PPP1R42: variants seen among roughly 807,000 people sequenced by gnomAD.
PPP1R42 encodes protein phosphatase 1 regulatory subunit 42, also known as leucine rich repeat containing 67.
In PPP1R42, 34 loss-of-function variants were observed where a neutral mutation model predicts 31.0. The ratio of observed to expected loss-of-function variants is 1.10; its 90% confidence interval spans 0.83 to 1.46. The LOEUF is 1.46. Ranked by LOEUF, PPP1R42 falls within the 40% of genes most tolerant of loss-of-function variation. The pLI, the probability that PPP1R42 is intolerant of heterozygous loss-of-function variation, is 0.00. For synonymous variants in PPP1R42, 103 were observed against 109.8 expected, an observed-to-expected ratio of 0.94 and a Z score of 0.39; for missense variants, 268 against 303.0, an observed-to-expected ratio of 0.88 and a Z score of 0.86.
chr8:66,981,957 C>A, intron 7 of PPP1R42, 92 bp downstream of exon 7: 2 of 1,223,782 alleles, frequency 1.6e-6, no homozygotes, highest in South Asian at 3.5e-5. Context: ...AAAAACTAAA[C>A]AAAAACTATT....
chr8:66,996,620 A>C (rs1033667196), intron 5 of PPP1R42, among the ~76,000 whole-genome samples: 6 of 151,854 alleles, frequency 4.0e-5, no homozygotes, highest in African/African-American at 1.5e-4. Flanking sequence ...CCCTTTTCCT[A>C]GTTTACTCTC....
intron 1 of PPP1R42, among the ~76,000 whole-genome samples, chr8:67,018,960 G>T (rs1373010055): frequency 6.6e-6 from 1 of 150,622 alleles, no homozygotes; most frequent in Admixed American, 6.6e-5. Context: ...CTCCCAAGTA[G>T]CTGGGACTAT....
intron 5 of PPP1R42, among the ~76,000 whole-genome samples, chr8:67,000,138 C>A (rs1196069503): frequency 6.6e-6 from 1 of 151,636 alleles, no homozygotes; most frequent in Non-Finnish European, 1.5e-5. Context: ...ATTTTAATTT[C>A]CTTCCTTCAA....
intron 6 of PPP1R42, chr8:66,985,425 T>G: frequency 1.3e-6 from 1 of 773,218 alleles, no homozygotes. Context: ...TCTCCTTGCC[T>G]GTTGCATCTA....
chr8:67,004,796 C>T (rs1207213500), intron 5 of PPP1R42, among the ~76,000 whole-genome samples: 2 of 152,150 alleles, frequency 1.3e-5, no homozygotes, highest in Non-Finnish European at 2.9e-5. Flanking sequence ...TAATCCTGAG[C>T]TGCCTGTTTA....
chr8:66,995,618 T>G (rs1478154300), intron 5 of PPP1R42, among the ~76,000 whole-genome samples: 5 of 152,168 alleles, frequency 3.3e-5, no homozygotes, highest in Non-Finnish European at 5.9e-5. Context: ...AAATCAAAAT[T>G]CCTTGCATTC....
chr8:66,994,004 T>C (rs946141132), intron 5 of PPP1R42, among the ~76,000 whole-genome samples: 1 of 152,202 alleles, frequency 6.6e-6, no homozygotes, highest in Non-Finnish European at 1.5e-5. Context: ...ATCTTCTCTT[T>C]TCTTCTATTT....
intron 1 of PPP1R42, among the ~76,000 whole-genome samples, chr8:67,019,955 T>G (rs1339629189): frequency 6.6e-6 from 1 of 151,998 alleles, no homozygotes; most frequent in Non-Finnish European, 1.5e-5. Context: ...CTTAAGCTAC[T>G]CAAGCTAGTG....
intron 7 of PPP1R42, among the ~76,000 whole-genome samples, chr8:66,980,477 C>A (rs1294885371): frequency 6.6e-6 from 1 of 152,112 alleles, no homozygotes; most frequent in African/African-American, 2.4e-5. Flanking sequence ...TATCCTCCCA[C>A]CTCAGCCTCC....
chr8:66,964,120 T>A lies in PPP1R42; in HGVS notation c.*201A>T, dbSNP rs1299084685. 7.5e-6 allele frequency: 3 copies of A among 400,994 alleles called. No homozygotes were observed. Among genetic ancestry groups the A allele is most frequent in the Non-Finnish European group, 1.4e-5 (3 of 209,520 alleles). 24.8% of individuals were successfully genotyped at this position (400,994 alleles called of 1,614,324 possible). On this transcript the variant is annotated 3_prime_UTR_variant, in exon 8 of 8. Coordinates refer to ENST00000685739, the MANE Select transcript of PPP1R42 (RefSeq NM_001364910.1). ...ACAATAACTTAAAAGTTTTTCCTTA[T>A]ATTATGAGATACCATAAAGCTACAA...
At chr8:67,022,521 C>CT (rs1179648476) in intron 1 of PPP1R42, among the ~76,000 whole-genome samples, 1 of 151,920 alleles carries the variant, frequency 6.6e-6, no homozygotes, top group Non-Finnish European at 1.5e-5. Flanking sequence ...AGAAGCTTTA[C>CT]TTTTTAATAT....
intron 1 of PPP1R42, among the ~76,000 whole-genome samples, chr8:67,025,694 T>C (rs1323713264): frequency 1.3e-5 from 2 of 152,150 alleles, no homozygotes; most frequent in African/African-American, 4.8e-5. Flanking sequence ...AGTTGTATAC[T>C]TGCATACTAA....
At chr8:66,985,438 A>G (rs956182284) in intron 6 of PPP1R42, 1 of 809,104 alleles carries the variant, frequency 1.2e-6, no homozygotes, top group Non-Finnish European at 2.1e-6. Context: ...TGCATCTACA[A>G]TGCACCCTTG....
chr8:66,985,962 C>T (rs972046220), intron 6 of PPP1R42: 2 of 755,766 alleles, frequency 2.6e-6, no homozygotes, highest in East Asian at 2.5e-5. Flanking sequence ...CTTTAGCTTT[C>T]GTTTTCTGCT....
In PPP1R42 at chr8:67,028,536, A is replaced by T. The variant is rs898076477; in HGVS notation, c.-130T>A. 1 of 985,368 alleles carries T rather than the reference A, an allele frequency of 1.0e-6. No homozygotes were observed. Among genetic ancestry groups the T allele is most frequent in the South Asian group, 4.7e-5 (1 of 21,292 alleles). 61.0% of individuals were successfully genotyped at this position (985,368 alleles called of 1,614,324 possible). A position where few individuals can be genotyped will look rare whatever the true frequency, so the allele number is the denominator to read the frequency against. On this transcript the variant is annotated 5_prime_UTR_variant, in exon 1 of 8. The change abolishes an upstream ATG in the 5' untranslated region. Coordinates refer to ENST00000685739, the MANE Select transcript of PPP1R42 (RefSeq NM_001364910.1). ...AGCTAACTCCAGTTTGGTCGGTTTCATCGGCGCCGGGTCCCTACGCAGACC... is the reference window on the plus strand; with the variant it reads ...AGCTAACTCCAGTTTGGTCGGTTTCTTCGGCGCCGGGTCCCTACGCAGACC...
chr8:67,002,409 G>T (rs1438857543), intron 5 of PPP1R42, among the ~76,000 whole-genome samples: 1 of 152,136 alleles, frequency 6.6e-6, no homozygotes, highest in Non-Finnish European at 1.5e-5. Context: ...ATGTTGGCCA[G>T]GCTAGTCATC....
In PPP1R42 at chr8:67,009,574, GA is replaced by G. The variant is rs111958480; in HGVS notation, c.552+1140del. On this transcript the variant is annotated intron_variant, in intron 5 of 7. Transcript: ENST00000685739. Reference sequence around the variant, plus strand: ...CAGAGACTCCATCTCAAAATAAAAAGAAAAAAAAAATGTAAAATATATTTTA... The same window carrying G: ...CAGAGACTCCATCTCAAAATAAAAAGAAAAAAAAATGTAAAATATATTTTA... Among the ~76,000 whole-genome samples, 596 of 146,976 alleles carry G rather than the reference GA, an allele frequency of 4.1e-3. 1 individual carries two copies. The highest frequency in any genetic ancestry group is 0.01 in the African/African-American group (409 of 40,178).
chr8:66,969,087 G>T (rs1343452121), intron 7 of PPP1R42, among the ~76,000 whole-genome samples: 1 of 152,204 alleles, frequency 6.6e-6, no homozygotes, highest in Non-Finnish European at 1.5e-5. Flanking sequence ...TTAGGAAAAT[G>T]AGGGTAGAGT....
intron 1 of PPP1R42, among the ~76,000 whole-genome samples, chr8:67,023,504 G>A (rs905306818): frequency 6.6e-6 from 1 of 152,150 alleles, no homozygotes; most frequent in African/African-American, 2.4e-5. Flanking sequence ...TGTAGCCACT[G>A]TATAGAAATG....
Sources: gnomAD v4.1 joint callset for allele counts (sites outside exome capture counted in the v4.1 genomes callset) on GRCh38, gnomAD v4.1.1 for gene constraint, MANE v1.5 for transcripts, NCBI Gene and HGNC (gene_info 2026-07-23, HGNC 2026-07-21) for gene names.